Variants in AKT3 observed in about 807,000 individuals in gnomAD.
The protein encoded by AKT3 is AKT serine/threonine kinase 3, also known as RAC-gamma serine/threonine-protein kinase.
Under a neutral mutation model 65.3 loss-of-function variants are expected in AKT3, and 15 were observed. The ratio of observed to expected loss-of-function variants is 0.23; its 90% CI spans 0.15 to 0.35. AKT3 has a LOEUF of 0.35. Among genes scored for constraint, AKT3 ranks in the 10% least tolerant of loss-of-function variants. The pLI is 1.00. For synonymous variants in AKT3, 206 were observed against 183.8 expected (o/e 1.12, Z -0.98); for missense variants, 243 against 576.5 (o/e 0.42, Z 5.92).
chr1:243,680,519 A>G (rs1355639932), intron 3 of AKT3, among the ~76,000 whole-genome samples: 1 of 152,038 alleles, frequency 6.6e-6, no homozygotes, highest in Non-Finnish European at 1.5e-5. Flanking sequence ...CTAAATTCCA[A>G]GGCTTAAAGG....
rs1669536526 is a variant in AKT3, at chr1:243,504,542, T to C, written c.*707A>G. On this transcript the variant is annotated 3_prime_UTR_variant, in exon 14 of 14. Coordinates refer to ENST00000673466, the MANE Select transcript of AKT3 (RefSeq NM_005465.7). ...ATGCCTTCAGTTCTTGGTAGAACAG[T>C]GTTCACTTGCTCATGATTGCCCGTG... The C allele has an allele frequency of 5.3e-6, 1 of 189,414 alleles. No individual in the cohort carries two copies. Among genetic ancestry groups the C allele is most frequent in the African/African-American group, 2.3e-5 (1 of 42,714 alleles). 11.7% of individuals were successfully genotyped at this position (189,414 alleles called of 1,614,324 possible).
At chr1:243,605,103 T>C (rs1038050577) in intron 8 of AKT3, among the ~76,000 whole-genome samples, 1 of 152,204 alleles carries the variant, frequency 6.6e-6, no homozygotes, top group Non-Finnish European at 1.5e-5. Flanking sequence ...TGGCTCACTA[T>C]AACCCTGAGT....
chr1:243,776,234 G>A (rs1690537380), intron 2 of AKT3, among the ~76,000 whole-genome samples: 1 of 152,110 alleles, frequency 6.6e-6, no homozygotes, highest in Admixed American at 6.5e-5. Flanking sequence ...TGATGATGAT[G>A]ACAGGTTAAA....
chr1:243,748,577 A>T (rs1259700669), intron 2 of AKT3, among the ~76,000 whole-genome samples: 1 of 152,178 alleles, frequency 6.6e-6, no homozygotes, highest in East Asian at 1.9e-4. Flanking sequence ...ATAAATTCAC[A>T]AACTTTAATG....
chr1:243,719,133 AAGAC>A (rs1188802055), intron 2 of AKT3, among the ~76,000 whole-genome samples: 1 of 152,220 alleles, frequency 6.6e-6, no homozygotes, highest in African/African-American at 2.4e-5. Flanking sequence ...CACATATGTC[AAGAC>A]AGTCATTGCA....
At chr1:243,742,113 G>A (rs1370647126) in intron 2 of AKT3, among the ~76,000 whole-genome samples, 1 of 148,232 alleles carries the variant, frequency 6.7e-6, no homozygotes, top group Non-Finnish European at 1.5e-5. Flanking sequence ...ATATGCAAAT[G>A]TTACACCATT....
intron 2 of AKT3, among the ~76,000 whole-genome samples, chr1:243,700,836 CT>C (rs1185883878): frequency 6.6e-6 from 1 of 152,038 alleles, no homozygotes; most frequent in Non-Finnish European, 1.5e-5. Flanking sequence ...GAGATGGGAC[CT>C]GGTATGAGTT....
At chr1:243,649,497 C>T (rs906649645) in intron 4 of AKT3, among the ~76,000 whole-genome samples, 63 of 151,776 alleles carry the variant, frequency 4.2e-4, no homozygotes, top group African/African-American at 1.5e-3. Context: ...TGTGTCATGG[C>T]GGTTTGCTGT....
intron 2 of AKT3, among the ~76,000 whole-genome samples, chr1:243,737,975 T>C (rs1558766650): frequency 6.6e-6 from 1 of 152,132 alleles, no homozygotes; most frequent in African/African-American, 2.4e-5. Flanking sequence ...TGACTGAAGA[T>C]AACTAATATA....
Position 243,850,117 on chromosome 1 carries a change from G to GCTGTTACCTGCAACGGC in AKT3, c.-191_-190insGCCGTTGCAGGTAACAG. 6.5e-6 allele frequency: 1 copy of GCTGTTACCTGCAACGGC among 153,216 alleles called. No individual in the cohort carries two copies. Among genetic ancestry groups the GCTGTTACCTGCAACGGC allele is most frequent in the African/African-American group, 2.5e-5 (1 of 40,374 alleles). 9.5% of individuals were successfully genotyped at this position (153,216 alleles called of 1,614,324 possible). ...GAGGATGGAGCCGGGGGGGGGCGGG[G>GCTGTTACCTGCAACGGC]GGAGGAGAGGGGGCGACTCGGGGGT... On this transcript the variant is annotated 5_prime_UTR_variant, in exon 1 of 14. Transcript: ENST00000673466.
intron 8 of AKT3, among the ~76,000 whole-genome samples, chr1:243,586,738 G>A (rs1030578367): frequency 2.0e-5 from 3 of 152,002 alleles, no homozygotes; most frequent in Non-Finnish European, 4.4e-5. Context: ...GAGGGGAGGG[G>A]TTAAAAAGGG....
At chr1:243,608,839 G>A (rs1482504029) in intron 8 of AKT3, among the ~76,000 whole-genome samples, 2 of 130,484 alleles carry the variant, frequency 1.5e-5, no homozygotes, top group African/African-American at 6.0e-5. Context: ...TGCACCCTCC[G>A]CCTCCTGGGT....
At chr1:243,722,531 C>T (rs1686975666) in intron 2 of AKT3, among the ~76,000 whole-genome samples, 1 of 152,064 alleles carries the variant, frequency 6.6e-6, no homozygotes, top group Non-Finnish European at 1.5e-5. Context: ...TCATCACACC[C>T]CCAGACCAAA....
At chr1:243,550,789 CAAAAA>C (rs60834632) in intron 11 of AKT3, among the ~76,000 whole-genome samples, 2 of 33,692 alleles carry the variant, frequency 5.9e-5, no homozygotes, top group East Asian at 1.0e-3. Flanking sequence ...ACTAAAATAC[CAAAAA>C]AAAAAAAAAA....
chr1:243,822,823 G>A (rs1693941193), intron 2 of AKT3, among the ~76,000 whole-genome samples: 1 of 152,106 alleles, frequency 6.6e-6, no homozygotes, highest in Admixed American at 6.5e-5. Flanking sequence ...AGGACCAGAT[G>A]GATTTACAGC....
At chr1:243,591,052 A>G (rs1464671283) in intron 8 of AKT3, among the ~76,000 whole-genome samples, 1 of 152,216 alleles carries the variant, frequency 6.6e-6, no homozygotes, top group African/African-American at 2.4e-5. Flanking sequence ...TACTGAGTTC[A>G]GAGACTGGGG....
intron 3 of AKT3, among the ~76,000 whole-genome samples, chr1:243,672,143 G>C (rs535943954): frequency 4.6e-5 from 7 of 152,214 alleles, no homozygotes; most frequent in Non-Finnish European, 1.0e-4. Flanking sequence ...GGGATGGACA[G>C]GAATGAGGGT....
chr1:243,843,824 G>A (rs1695393712), intron 1 of AKT3, among the ~76,000 whole-genome samples: 1 of 145,856 alleles, frequency 6.9e-6, no homozygotes, highest in South Asian at 2.2e-4. Flanking sequence ...GCTAATTTTT[G>A]TATTTTTAGT....
intron 7 of AKT3, among the ~76,000 whole-genome samples, chr1:243,614,337 C>A (rs1323767624): frequency 6.6e-6 from 1 of 152,100 alleles, no homozygotes; most frequent in Non-Finnish European, 1.5e-5. Flanking sequence ...CTGAAAATGT[C>A]TATTTCAGAT....
Sources: allele counts gnomAD v4.1 joint callset (sites outside exome capture counted in the v4.1 genomes callset), GRCh38; gene constraint gnomAD v4.1.1; transcripts MANE v1.5; gene names NCBI Gene and HGNC (gene_info 2026-07-23, HGNC 2026-07-21).